The following MAF variants were observed in gnomAD, a reference collection of about 807,000 sequenced individuals.
The protein encoded by MAF is MAF bZIP transcription factor, also known as transcription factor Maf.
A neutral mutation model predicts 22.0 loss-of-function variants in MAF; 10 were observed. The ratio of observed to expected loss-of-function variants is 0.45; its 90% CI spans 0.28 to 0.77. MAF has a LOEUF of 0.77. Among genes scored for constraint, MAF ranks in the 30% least tolerant of loss-of-function variants. MAF has a pLI of 0.12. For synonymous variants in MAF, 337 were observed against 255.8 expected (o/e 1.32, Z -3.03); for missense variants, 544 against 548.4 (o/e 0.99, Z 0.08).
chr16:79,208,195 G>C, the MAF span, among the ~76,000 whole-genome samples: 1 of 152,168 alleles, frequency 6.6e-6, no homozygotes, highest in Non-Finnish European at 1.5e-5. Context: ...GCTCACAAAT[G>C]TTTGACTAGA....
chr16:79,267,880 G>C, the MAF span, among the ~76,000 whole-genome samples: 18 of 152,122 alleles, frequency 1.2e-4, no homozygotes, highest in South Asian at 1.9e-3. Context: ...TGGGAGTGAG[G>C]ATGGGGTGGG....
At chr16:79,379,213 C>T in the MAF span, among the ~76,000 whole-genome samples, 66,198 of 151,962 alleles carry the variant, frequency 0.44, 14,821 homozygotes, top group African/African-American at 0.51. Context: ...GCCTGTCAAC[C>T]CTAATAGATT....
chr16:79,283,037 T>G, the MAF span, among the ~76,000 whole-genome samples: 1 of 152,226 alleles, frequency 6.6e-6, no homozygotes, highest in African/African-American at 2.4e-5. Context: ...CAAGGGTCTA[T>G]TGTACCAGAT....
At chr16:79,385,523 A>G in the MAF span, among the ~76,000 whole-genome samples, 1,850 of 152,372 alleles carry the variant, frequency 0.012, 102 homozygotes, top group Admixed American at 0.11. Context: ...GTACGCAAGC[A>G]TGCGTCTACT....
the MAF span, among the ~76,000 whole-genome samples, chr16:79,407,288 G>C: frequency 6.6e-6 from 1 of 152,182 alleles, no homozygotes; most frequent in Non-Finnish European, 1.5e-5. Context: ...CTCTTGGCTA[G>C]CTCTGTTCCA....
At chr16:79,542,781 GCTC>G in the MAF span, among the ~76,000 whole-genome samples, 1 of 152,194 alleles carries the variant, frequency 6.6e-6, no homozygotes, top group Admixed American at 6.5e-5. Flanking sequence ...TCACTGAACT[GCTC>G]CTGGCCTTGG....
chr16:79,384,368 C>G, the MAF span, among the ~76,000 whole-genome samples: 1 of 148,228 alleles, frequency 6.7e-6, no homozygotes, highest in Non-Finnish European at 1.5e-5. Flanking sequence ...TCGCCTGAAC[C>G]TGGGAGGCAG....
At chr16:79,557,944 G>C in the MAF span, among the ~76,000 whole-genome samples, 2 of 150,892 alleles carry the variant, frequency 1.3e-5, no homozygotes, top group East Asian at 1.9e-4. Flanking sequence ...TTAAGCCAAG[G>C]CCTGATGGGT....
chr16:79,304,384 C>G, the MAF span, among the ~76,000 whole-genome samples: 1 of 152,160 alleles, frequency 6.6e-6, no homozygotes, highest in Non-Finnish European at 1.5e-5. Flanking sequence ...TGTGTAATAA[C>G]AGGCAGAAAG....
At chr16:79,320,244 T>C in the MAF span, among the ~76,000 whole-genome samples, 1 of 152,152 alleles carries the variant, frequency 6.6e-6, no homozygotes, top group Admixed American at 6.5e-5. Context: ...TCTATATATA[T>C]ACTTAAAGGT....
the MAF span, among the ~76,000 whole-genome samples, chr16:79,411,578 G>C: frequency 4.5e-4 from 69 of 151,858 alleles, no homozygotes; most frequent in African/African-American, 1.6e-3. Flanking sequence ...TTTGCCCTGA[G>C]TGATGGAGGC....
chr16:79,557,969 C>T, the MAF span, among the ~76,000 whole-genome samples: 1 of 151,262 alleles, frequency 6.6e-6, no homozygotes, highest in Non-Finnish European at 1.5e-5. Context: ...CAGGGAAGGG[C>T]AGTGAATGTC....
At chr16:79,383,075 A>G in the MAF span, among the ~76,000 whole-genome samples, 1 of 152,212 alleles carries the variant, frequency 6.6e-6, no homozygotes, top group African/African-American at 2.4e-5. Flanking sequence ...ATAACTCAGT[A>G]TATCATTTGC....
At chr16:79,569,214 C>T in the MAF span, among the ~76,000 whole-genome samples, 2 of 152,198 alleles carry the variant, frequency 1.3e-5, no homozygotes, top group Non-Finnish European at 2.9e-5. Flanking sequence ...GGAGGGTCTT[C>T]CCTGTGCATT....
the MAF span, among the ~76,000 whole-genome samples, chr16:79,227,686 T>C: frequency 1.3e-5 from 2 of 151,942 alleles, no homozygotes; most frequent in South Asian, 2.1e-4. Context: ...AGCTGAAGTA[T>C]TGATTTTTTT....
chr16:79,237,311 T>C, the MAF span, among the ~76,000 whole-genome samples: 2 of 152,120 alleles, frequency 1.3e-5, no homozygotes, highest in African/African-American at 4.8e-5. Flanking sequence ...CAGGCTCTAT[T>C]AGTTGACTTT....
the MAF span, among the ~76,000 whole-genome samples, chr16:79,243,620 C>T: frequency 2.6e-5 from 4 of 151,942 alleles, no homozygotes; most frequent in African/African-American, 7.2e-5. Flanking sequence ...GATTCAAAGC[C>T]GAATTCTACC....
chr16:79,577,579 T>G, the MAF span, among the ~76,000 whole-genome samples: 1 of 152,082 alleles, frequency 6.6e-6, no homozygotes, highest in Admixed American at 6.6e-5. Context: ...TTGGGTGACC[T>G]CCAAAGGGCA....
At chr16:79,487,723 A>G in the MAF span, among the ~76,000 whole-genome samples, 10 of 152,164 alleles carry the variant, frequency 6.6e-5, no homozygotes, top group Admixed American at 2.0e-4. Context: ...GTCCACATAG[A>G]CCTAATGCTT....
Sources: allele counts gnomAD v4.1 joint callset (sites outside exome capture counted in the v4.1 genomes callset), GRCh38; gene constraint gnomAD v4.1.1; transcripts MANE v1.5; gene names NCBI Gene and HGNC (gene_info 2026-07-23, HGNC 2026-07-21).